Variants in UTRN observed in about 807,000 individuals in gnomAD.
The protein encoded by UTRN is utrophin.
UTRN carries 283 observed loss-of-function variants against 463.9 expected under a neutral mutation model. The ratio of observed to expected loss-of-function variants is 0.61; its 90% CI spans 0.55 to 0.67. UTRN has a LOEUF of 0.67. Among genes scored for constraint, UTRN ranks in the 30% least tolerant of loss-of-function variants. UTRN has a pLI of 0.00. For missense variants in UTRN, 3,922 were observed against 4,084.3 expected (o/e 0.96, Z 1.08); for synonymous variants, 1,442 against 1,431.5 (o/e 1.01, Z -0.17).
Position 144,438,828 on chromosome 6 carries a change from A to T in UTRN, c.1325A>T (p.Gln442Leu). The change falls in exon 12 of 75, where the codon CAG becomes CTG. Residue 442 changes from glutamine to leucine, a missense_variant. By Grantham distance (113) the Gln-to-Leu change is moderately radical (BLOSUM62 -2). This residue lies in a region of UTRN where 2,349 missense variants were observed against 2,303.8 expected (regional missense o/e 1.02). Coordinates refer to ENST00000367545, the MANE Select transcript of UTRN (RefSeq NM_007124.3). ...AWLTLTEERI[Q>L]KMETCPLDDD... is the part of the protein sequence containing the mutation. ...TTAACACTCACAGAGGAGCGCATTC[A>T]GAAGATGGAAACTTGCCCCCTGGAT... The T allele has an allele frequency of 6.2e-7, 1 of 1,614,248 alleles. No homozygotes were observed. The highest frequency in any genetic ancestry group is 8.5e-7 in the Non-Finnish European group (1 of 1,180,038).
intron 18 of UTRN, among the ~76,000 whole-genome samples, chr6:144,453,500 T>G (rs1275818916): frequency 6.6e-6 from 1 of 152,184 alleles, no homozygotes; most frequent in East Asian, 1.9e-4. Flanking sequence ...CTCAAACCAT[T>G]ATTTTTATGG....
At chr6:144,434,312 C>T (rs7745167) in intron 9 of UTRN, among the ~76,000 whole-genome samples, 4 of 128,404 alleles carry the variant, frequency 3.1e-5, no homozygotes, top group East Asian at 2.8e-4. Flanking sequence ...AGCTTCGGCT[C>T]GGCATCAGAG....
At chr6:144,479,181 C>T (rs182367080) in intron 25 of UTRN, among the ~76,000 whole-genome samples, 108 of 133,302 alleles carry the variant, frequency 8.1e-4, no homozygotes, top group African/African-American at 3.0e-3. Flanking sequence ...TGCAGTGGTG[C>T]GATCTCGGCT....
chr6:144,782,539 G>T (rs971461705), intron 61 of UTRN, among the ~76,000 whole-genome samples: 2 of 151,662 alleles, frequency 1.3e-5, no homozygotes, highest in African/African-American at 4.9e-5. Flanking sequence ...TACAATCTTT[G>T]TAATCCAACT....
At chr6:144,816,951 T>C (rs114582243) in intron 65 of UTRN, among the ~76,000 whole-genome samples, 1 of 152,284 alleles carries the variant, frequency 6.6e-6, no homozygotes, top group African/African-American at 2.4e-5. Context: ...GTACATTATT[T>C]AAAATGAAGG....
At chr6:144,371,844 G>T (rs560572893) in intron 2 of UTRN, among the ~76,000 whole-genome samples, 2 of 152,192 alleles carry the variant, frequency 1.3e-5, no homozygotes, top group Non-Finnish European at 2.9e-5. Flanking sequence ...TAGGGCTGGG[G>T]AGGCATACAT....
At chr6:144,514,465 ATTAC>A (rs1417242012) in intron 36 of UTRN, among the ~76,000 whole-genome samples, 181 bp from the exon 37 acceptor site, 1 of 152,142 alleles carries the variant, frequency 6.6e-6, no homozygotes, top group Non-Finnish European at 1.5e-5. Flanking sequence ...TCCAATGAGA[ATTAC>A]TTACCTCTGT....
At chr6:144,465,590 ACTT>A (rs1789871495) in intron 23 of UTRN, among the ~76,000 whole-genome samples, 1 of 152,162 alleles carries the variant, frequency 6.6e-6, no homozygotes, top group African/African-American at 2.4e-5. Flanking sequence ...TAATTGTATA[ACTT>A]CTTCATTGAA....
intron 36 of UTRN, 70 bp from the exon 37 acceptor site, chr6:144,514,580 G>C: frequency 1.3e-6 from 2 of 1,487,932 alleles, no homozygotes; most frequent in Non-Finnish European, 1.8e-6. Context: ...CTTTCCTTCT[G>C]TATAAGCATC....
chr6:144,731,462 C>A (rs1186057091), intron 54 of UTRN, among the ~76,000 whole-genome samples: 1 of 152,170 alleles, frequency 6.6e-6, no homozygotes, highest in East Asian at 1.9e-4. Context: ...TTGCCTCATG[C>A]TGTGTCCAGC....
At chr6:144,423,762 T>C in intron 5 of UTRN, 136 bp downstream of exon 5, 1 of 1,088,004 alleles carries the variant, frequency 9.2e-7, no homozygotes, top group African/African-American at 1.6e-5. Context: ...CTGAACTTTT[T>C]CTGTGAGTGA....
chr6:144,389,376 C>T (rs750047918), intron 2 of UTRN, among the ~76,000 whole-genome samples: 1 of 152,134 alleles, frequency 6.6e-6, no homozygotes, highest in Non-Finnish European at 1.5e-5. Flanking sequence ...GGGGCCCCAC[C>T]GTTTATTTTC....
chr6:144,371,661 G>A (rs1779996187), intron 2 of UTRN, among the ~76,000 whole-genome samples: 1 of 152,202 alleles, frequency 6.6e-6, no homozygotes, highest in African/African-American at 2.4e-5. Flanking sequence ...GCCGTCCTCG[G>A]CCTCCCAAAG....
chr6:144,732,851 G>C (rs1788905710), intron 54 of UTRN, among the ~76,000 whole-genome samples: 1 of 152,078 alleles, frequency 6.6e-6, no homozygotes, highest in African/African-American at 2.4e-5. Flanking sequence ...GAGTAGCTGA[G>C]ACTACCACAG....
chr6:144,605,983 C>T (rs1280993714), intron 51 of UTRN, among the ~76,000 whole-genome samples: 1 of 152,106 alleles, frequency 6.6e-6, no homozygotes, highest in Middle Eastern at 3.4e-3. Context: ...AAAACTCTTT[C>T]TTGGAAATTT....
At chr6:144,510,695 T>G (rs35779149) in intron 34 of UTRN, among the ~76,000 whole-genome samples, 62 of 152,294 alleles carry the variant, frequency 4.1e-4, no homozygotes, top group Non-Finnish European at 7.9e-4. Flanking sequence ...AATAATTGCT[T>G]TCCCACAGCT....
Position 144,488,738 on chromosome 6 carries a change from T to G in UTRN, c.4038T>G (p.Leu1346=), listed in dbSNP as rs1792731330. The G allele has an allele frequency of 6.2e-7, 1 of 1,613,538 alleles. No individual in the cohort carries two copies. The highest frequency in any genetic ancestry group is 8.5e-7 in the Non-Finnish European group (1 of 1,179,750). ...TGCTGCGGGAAACTGACCAGATGCT[T>G]CAAGTCTTGCAAGAGAGCTTGGGGG... ...LQVLRETDQM[L]QVLQESLGEL... is the part of the protein sequence containing the mutation. The change falls in exon 30 of 75, where the codon CTT becomes CTG. Residue 1346 remains leucine (L), a synonymous_variant. Transcript: ENST00000367545.
At chr6:144,583,665 A>G (rs1055735437) in intron 51 of UTRN, 4 of 490,926 alleles carry the variant, frequency 8.1e-6, no homozygotes, top group African/African-American at 7.8e-5. Context: ...TCAGGCTCTA[A>G]AAACTAATCT....
At chr6:144,416,778 T>C (rs1784397710) in intron 3 of UTRN, among the ~76,000 whole-genome samples, 1 of 152,206 alleles carries the variant, frequency 6.6e-6, no homozygotes, top group Non-Finnish European at 1.5e-5. Context: ...AGACTGTTCA[T>C]TTATACCATT....
Sources: gnomAD v4.1 joint callset for allele counts (sites outside exome capture counted in the v4.1 genomes callset) on GRCh38, gnomAD v4.1.1 for gene constraint, gnomAD v4.1.1 regional missense constraint, MANE v1.5 for transcripts, NCBI Gene and HGNC (gene_info 2026-07-23, HGNC 2026-07-21) for gene names.